Variants in SFSWAP observed in about 807,000 individuals in gnomAD.
SFSWAP encodes splicing factor SWAP, also known as splicing factor, suppressor of white-apricot homolog.
A neutral mutation model predicts 100.7 loss-of-function variants in SFSWAP; 17 were observed. The observed-to-expected ratio is 0.17, with a 90% CI of 0.12 to 0.25. The LOEUF (loss-of-function observed/expected upper bound fraction) is 0.25, where lower values mean the gene tolerates loss of function less well. Ranked by LOEUF, SFSWAP falls within the 10% of genes least tolerant of loss-of-function variation. The pLI, the probability that SFSWAP is intolerant of heterozygous loss-of-function variation, is 1.00. For synonymous variants in SFSWAP, 504 were observed against 510.1 expected, an observed-to-expected ratio of 0.99 and a Z score of 0.16; for missense variants, 1,005 against 1,262.6, an observed-to-expected ratio of 0.80 and a Z score of 3.09.
chr12:131,756,326 T>C (rs1882152717), intron 10 of SFSWAP, 147 bp from the exon 11 acceptor site: 2 of 667,924 alleles, frequency 3.0e-6, no homozygotes, highest in African/African-American at 3.7e-5. Context: ...ACAGCAGATC[T>C]GGATTTGGAA....
At chr12:131,767,376 A>C (rs530200220) in intron 13 of SFSWAP, among the ~76,000 whole-genome samples, 1 of 152,298 alleles carries the variant, frequency 6.6e-6, no homozygotes, top group East Asian at 1.9e-4. Context: ...TTTATTTTGT[A>C]TTTAAACTAC....
At chr12:131,785,537 C>A in intron 14 of SFSWAP, 1 of 254,954 alleles carries the variant, frequency 3.9e-6, no homozygotes, top group Non-Finnish European at 7.6e-6. Flanking sequence ...GATTTGTGCT[C>A]ATTGCAGGTC....
intron 12 of SFSWAP, 54 bp downstream of exon 12, chr12:131,764,740 A>G: frequency 1.5e-6 from 2 of 1,321,092 alleles, no homozygotes; most frequent in East Asian, 2.4e-5. Context: ...CAAATATAAG[A>G]TTTATCTGCT....
intron 4 of SFSWAP, among the ~76,000 whole-genome samples, chr12:131,724,977 TC>T (rs910388422): frequency 6.6e-6 from 1 of 152,120 alleles, no homozygotes; most frequent in African/African-American, 2.4e-5. Context: ...TGAAACCTAG[TC>T]CCCGCTAAGA....
intron 12 of SFSWAP, among the ~76,000 whole-genome samples, chr12:131,765,017 G>T (rs1464762391): frequency 6.6e-6 from 1 of 152,226 alleles, no homozygotes; most frequent in Non-Finnish European, 1.5e-5. Context: ...AAAAGGCTCA[G>T]CCTGTCTTCC....
At position 131,778,122 on chromosome 12, in the gene SFSWAP, G is replaced by C. The variant is rs1283898099; in HGVS notation, c.2200G>C (p.Glu734Gln). ...TGGAGGCAGGCCTCTGCCTACTTTA[G>C]AAGTTAAACCACCCGATAGGCCTTC... ...LTGGRPLPTL[E>Q]VKPPDRPSSK... The change falls in exon 14 of 18, where the codon GAA becomes CAA. Residue 734 changes from glutamate (E) to glutamine (Q), a missense_variant. By Grantham distance (29) the Glu-to-Gln change is conservative. Transcript: ENST00000261674. The surrounding 1 kb of genome is among the most constrained non-coding windows in gnomAD (Gnocchi z 4.2). 6.2e-7 allele frequency: 1 copy of C among 1,613,806 alleles called. No individual in the cohort carries two copies. Among genetic ancestry groups the C allele is most frequent in the African/African-American group, 1.3e-5 (1 of 74,822 alleles).
At chr12:131,742,334 A>C (rs890213528) in intron 7 of SFSWAP, among the ~76,000 whole-genome samples, 7 of 152,194 alleles carry the variant, frequency 4.6e-5, no homozygotes, top group African/African-American at 1.7e-4. Flanking sequence ...AAGTCTTCAA[A>C]ACCTCAGTAC....
intron 15 of SFSWAP, among the ~76,000 whole-genome samples, chr12:131,791,508 T>C (rs1885224651): frequency 6.6e-6 from 1 of 152,092 alleles, no homozygotes; most frequent in Non-Finnish European, 1.5e-5. Context: ...ATCCCAGCAC[T>C]TCAGGAGGCT....
intron 3 of SFSWAP, 79 bp downstream of exon 3, chr12:131,715,032 C>T (rs1877761797): frequency 6.9e-7 from 1 of 1,439,660 alleles, no homozygotes; most frequent in South Asian, 1.2e-5. Context: ...GTCCAGTCTG[C>T]AGAACACATC....
chr12:131,775,434 C>T (rs557414797), intron 13 of SFSWAP, among the ~76,000 whole-genome samples: 11 of 152,290 alleles, frequency 7.2e-5, no homozygotes, highest in Non-Finnish European at 1.2e-4. Context: ...TTGCTTTCTG[C>T]GCAGCGTGTG....
Position 131,734,047 on chromosome 12 carries a change from G to A in SFSWAP, c.1081+5619G>A, listed in dbSNP as rs1879766092. ...TGGGAACTATTCTTCTGTCCTAGGT[G>A]AGTGCCCACCCTGTGGCACTGAGAC... On this transcript the variant is annotated intron_variant, in intron 7 of 17. Coordinates refer to ENST00000261674, the MANE Select transcript of SFSWAP (RefSeq NM_004592.4). This position sits in a 1 kb window ranked among gnomAD's most constrained non-coding sequence, Gnocchi z 4.9. 6.6e-6 allele frequency among the ~76,000 whole-genome samples: 1 copy of A among 152,246 alleles called. No homozygotes were observed. Among genetic ancestry groups the A allele is most frequent in the Admixed American group, 6.5e-5 (1 of 15,292 alleles).
At chr12:131,744,114 C>T (rs921875798) in intron 7 of SFSWAP, among the ~76,000 whole-genome samples, 13 of 152,218 alleles carry the variant, frequency 8.5e-5, no homozygotes, top group African/African-American at 2.9e-4. Context: ...ATGGGAGGGG[C>T]TGCCATGAAG....
intron 3 of SFSWAP, among the ~76,000 whole-genome samples, chr12:131,716,275 T>A (rs2136175781): frequency 6.6e-6 from 1 of 152,366 alleles, no homozygotes; most frequent in East Asian, 1.9e-4. Flanking sequence ...CAAGTGTAAT[T>A]GTAATTATAC....
chr12:131,732,480 C>G (rs1879605541), intron 7 of SFSWAP, among the ~76,000 whole-genome samples: 1 of 152,164 alleles, frequency 6.6e-6, no homozygotes, highest in Non-Finnish European at 1.5e-5. Flanking sequence ...TTTGAAATTC[C>G]TGCTTCAGCC....
Position 131,725,398 on chromosome 12 carries a change from C to T in SFSWAP, c.607-7C>T. The T allele has an allele frequency of 1.2e-6, 2 of 1,613,304 alleles. No homozygotes were observed. The highest frequency in any genetic ancestry group is 2.2e-5 in the South Asian group (2 of 91,052). On this transcript the variant is annotated splice_region_variant and splice_polypyrimidine_tract_variant and intron_variant, in intron 4 of 17. Transcript: ENST00000261674. The surrounding 1 kb of genome is among the most constrained non-coding windows in gnomAD (Gnocchi z 4.3). The stretch of plus-strand genomic sequence containing the variant: ...TGGGTGACGTGAATATGTGTGTTTT[C>T]CCGTAGCCACCAACCGCTAAAATGC...
In SFSWAP at chr12:131,794,645, C is replaced by T. The variant is rs931534453; in HGVS notation, c.2535-2533C>T. Among the ~76,000 whole-genome samples the T allele has an allele frequency of 5.9e-5, 9 of 152,170 alleles. No individual in the cohort carries two copies. Among genetic ancestry groups the T allele is most frequent in the Admixed American group, 1.3e-4 (2 of 15,278 alleles). On this transcript the variant is annotated intron_variant, in intron 15 of 17. Coordinates refer to ENST00000261674, the MANE Select transcript of SFSWAP (RefSeq NM_004592.4). This position sits in a 1 kb window ranked among gnomAD's most constrained non-coding sequence, Gnocchi z 4.8. The stretch of plus-strand genomic sequence containing the variant: ...TCCTAGAAACCAGAGCAGTGGGGAA[C>T]GCTGAGGGTGGAGAAGGGGTATAGA...
Position 131,794,849 on chromosome 12 carries a change from C to T in SFSWAP, c.2535-2329C>T, listed in dbSNP as rs182908302. Among the ~76,000 whole-genome samples, 1 of 152,310 alleles carries T rather than the reference C, an allele frequency of 6.6e-6. No individual in the cohort carries two copies. The highest frequency in any genetic ancestry group is 6.5e-5 in the Admixed American group (1 of 15,302). ...AAAAAAATGAATGAGTTGCTCCATT[C>T]CTTCAGCAAGGGCTTAGATCAGATT... On this transcript the variant is annotated intron_variant, in intron 15 of 17. Coordinates refer to ENST00000261674, the MANE Select transcript of SFSWAP (RefSeq NM_004592.4). The surrounding 1 kb of genome is among the most constrained non-coding windows in gnomAD (Gnocchi z 4.8).
chr12:131,739,388 G>T (rs549446011), intron 7 of SFSWAP, among the ~76,000 whole-genome samples: 3 of 152,036 alleles, frequency 2.0e-5, no homozygotes, highest in Non-Finnish European at 4.4e-5. Context: ...AAAATGATTT[G>T]AATATGCTGA....
chr12:131,735,797 GT>G (rs1424802615), intron 7 of SFSWAP, among the ~76,000 whole-genome samples: 2 of 152,242 alleles, frequency 1.3e-5, no homozygotes, highest in African/African-American at 4.8e-5. Context: ...CCCTCCTGGA[GT>G]TGCTCTATGG....
Sources: gnomAD v4.1 joint callset for allele counts (sites outside exome capture counted in the v4.1 genomes callset) on GRCh38, gnomAD v4.1.1 for gene constraint, Gnocchi (gnomAD v3.1) non-coding constraint, MANE v1.5 for transcripts, NCBI Gene and HGNC (gene_info 2026-07-23, HGNC 2026-07-21) for gene names.